The following RBFOX3 variants were observed in gnomAD, a reference collection of about 807,000 sequenced individuals.
RBFOX3 encodes the protein RNA binding protein fox-1 homolog 3.
In RBFOX3, 17 loss-of-function variants were observed where a neutral mutation model predicts 48.7. That is an observed-to-expected ratio of 0.35 (90% CI 0.24 to 0.52). The LOEUF is 0.52. RBFOX3 is among the 20% of genes least tolerant of loss of function. The probability of loss-of-function intolerance (pLI) is 0.94; values close to 1 mark genes in which losing one functional copy is unlikely to be tolerated. For synonymous variants in RBFOX3, 212 were observed against 209.5 expected, an observed-to-expected ratio of 1.01 and a Z score of -0.10; for missense variants, 382 against 497.5, an observed-to-expected ratio of 0.77 and a Z score of 2.21.
Position 79,280,435 on chromosome 17 carries a change from G to A in RBFOX3, c.-74+27289C>T, listed in dbSNP as rs116177500. Among the ~76,000 whole-genome samples the A allele has an allele frequency of 9.3e-3, 1,415 of 152,294 alleles. 18 individuals are homozygous for A. The highest frequency in any genetic ancestry group is 0.032 in the African/African-American group (1,332 of 41,544). ...TCTGGGCACAGGACACACACACGCT[G>A]GAATGTGAGGCCCACCCATCAAGGC... On this transcript the variant is annotated intron_variant, in intron 3 of 14. Coordinates refer to ENST00000693108, the MANE Select transcript of RBFOX3 (RefSeq NM_001350451.2).
At chr17:79,596,584 A>G (rs1245388943) in intron 1 of RBFOX3, among the ~76,000 whole-genome samples, 2 of 152,184 alleles carry the variant, frequency 1.3e-5, no homozygotes, top group Non-Finnish European at 2.9e-5. Flanking sequence ...CCCCCCAACC[A>G]GCTCTCAGAA....
chr17:79,509,600 C>T (rs2149829812), intron 1 of RBFOX3, among the ~76,000 whole-genome samples: 1 of 152,330 alleles, frequency 6.6e-6, no homozygotes, highest in Admixed American at 6.5e-5. Flanking sequence ...CCCAACCCCT[C>T]CTTCCCTTAT....
At chr17:79,468,453 T>C (rs1487538017) in intron 2 of RBFOX3, among the ~76,000 whole-genome samples, 4 of 151,660 alleles carry the variant, frequency 2.6e-5, no homozygotes, top group Admixed American at 2.6e-4. Context: ...AGACAGACAA[T>C]AGATCAACAA....
the RBFOX3 span, among the ~76,000 whole-genome samples, chr17:79,656,815 G>GGAA: frequency 3.8e-5 from 2 of 51,978 alleles, no homozygotes; most frequent in South Asian, 8.2e-4. Context: ...AGAAAAGAAA[G>GGAA]AGAAAGAAAG....
the RBFOX3 span, among the ~76,000 whole-genome samples, chr17:79,665,023 G>A: frequency 6.6e-6 from 1 of 152,152 alleles, no homozygotes; most frequent in African/African-American, 2.4e-5. Context: ...GGACACTGGG[G>A]TTGCTTCCAT....
chr17:79,106,592 G>A (rs533797940), intron 6 of RBFOX3, 59 bp downstream of exon 6: 78 of 1,397,186 alleles, frequency 5.6e-5, no homozygotes, highest in South Asian at 5.1e-5. Context: ...GCCTGTGGGC[G>A]CCACCCTGGA....
At chr17:79,620,546 CAT>C in the RBFOX3 span, among the ~76,000 whole-genome samples, 5 of 150,050 alleles carry the variant, frequency 3.3e-5, no homozygotes, top group African/African-American at 1.2e-4. Context: ...TGCACACACG[CAT>C]GCACACATGT....
At chr17:79,543,339 A>G (rs577240730) in intron 1 of RBFOX3, among the ~76,000 whole-genome samples, 1 of 152,260 alleles carries the variant, frequency 6.6e-6, no homozygotes, top group South Asian at 2.1e-4. Context: ...ACTCCCTGAT[A>G]AACGGAGGCT....
At chr17:79,359,673 C>T (rs2085915605) in intron 2 of RBFOX3, among the ~76,000 whole-genome samples, 2 of 152,040 alleles carry the variant, frequency 1.3e-5, no homozygotes, top group African/African-American at 4.8e-5. Context: ...GCTGGCTCTG[C>T]AGGGGCCTCT....
intron 3 of RBFOX3, among the ~76,000 whole-genome samples, chr17:79,292,924 C>T (rs1049829549): frequency 6.6e-6 from 1 of 152,114 alleles, no homozygotes; most frequent in African/African-American, 2.4e-5. Context: ...CAATTCCTCC[C>T]TGGAGGTTTT....
rs565220696 is a variant in RBFOX3, at chr17:79,097,368, G to C, written c.679C>G (p.Leu227Val). 1 of 1,548,736 alleles carries C rather than the reference G, an allele frequency of 6.5e-7. No individual in the cohort carries two copies. The highest frequency in any genetic ancestry group is 1.4e-5 in the African/African-American group (1 of 73,026). ...GTAVAYRGAHLRGRGRAVYNT... is the reference protein window; with the variant it reads ...GTAVAYRGAHVRGRGRAVYNT... ...TACACGGCCCGGCCCCGGCCCCGAA[G>C]ATGTGCGCCCCGGTAGGCAACGGCT... The change falls in exon 11 of 15, where the codon CTT becomes GTT. Residue 227 changes from leucine (L) to valine (V), a missense_variant. By Grantham distance (32) the Leu-to-Val change is conservative (BLOSUM62 1). Coordinates refer to ENST00000693108, the MANE Select transcript of RBFOX3 (RefSeq NM_001350451.2).
At chr17:79,405,099 C>T (rs1245167117) in intron 2 of RBFOX3, among the ~76,000 whole-genome samples, 3 of 152,186 alleles carry the variant, frequency 2.0e-5, no homozygotes, top group East Asian at 3.9e-4. Context: ...TAGCCCTTTA[C>T]GTATTCATCT....
chr17:79,420,172 CACAA>C (rs67939889), intron 2 of RBFOX3, among the ~76,000 whole-genome samples: 1,767 of 79,328 alleles, frequency 0.022, 50 homozygotes, highest in South Asian at 0.056. Context: ...CACACACACA[CACAA>C]AAGATGGTTA....
At chr17:79,157,349 C>T (rs918854418) in intron 4 of RBFOX3, among the ~76,000 whole-genome samples, 2 of 152,178 alleles carry the variant, frequency 1.3e-5, no homozygotes, top group African/African-American at 2.4e-5. Flanking sequence ...GCGGAGAGCC[C>T]AGCTGCCGTC....
intron 1 of RBFOX3, among the ~76,000 whole-genome samples, chr17:79,560,980 C>T (rs2092175567): frequency 6.6e-6 from 1 of 152,172 alleles, no homozygotes; most frequent in Non-Finnish European, 1.5e-5. Flanking sequence ...CATTTGGACC[C>T]CAGCCAACTC....
chr17:79,359,720 C>T (rs143672094), intron 2 of RBFOX3, among the ~76,000 whole-genome samples: 54 of 137,514 alleles, frequency 3.9e-4, no homozygotes, highest in African/African-American at 1.3e-3. Context: ...TCCTGCACTT[C>T]GTAATTTGGG....
At chr17:79,628,164 A>G in the RBFOX3 span, among the ~76,000 whole-genome samples, 30 of 151,736 alleles carry the variant, frequency 2.0e-4, no homozygotes, top group East Asian at 5.1e-3. Context: ...AGGTGTGCTG[A>G]TCTATGCTTG....
intron 4 of RBFOX3, among the ~76,000 whole-genome samples, chr17:79,202,320 G>A (rs1245004926): frequency 6.6e-6 from 1 of 152,098 alleles, no homozygotes; most frequent in African/African-American, 2.4e-5. Flanking sequence ...TAACTCTGGG[G>A]CTGTGTCGGG....
intron 2 of RBFOX3, among the ~76,000 whole-genome samples, chr17:79,337,445 CG>C (rs1282809426): frequency 6.6e-6 from 1 of 152,184 alleles, no homozygotes; most frequent in Non-Finnish European, 1.5e-5. Flanking sequence ...TGGGCACATG[CG>C]TGTACAAGAA....
Sources: gnomAD v4.1 joint callset for allele counts (sites outside exome capture counted in the v4.1 genomes callset) on GRCh38, gnomAD v4.1.1 for gene constraint, MANE v1.5 for transcripts, NCBI Gene and HGNC (gene_info 2026-07-23, HGNC 2026-07-21) for gene names.